The following KIF11 variants were observed in gnomAD, a reference collection of about 807,000 sequenced individuals.
The protein encoded by KIF11 is kinesin-like protein KIF11.
In KIF11, 9 loss-of-function variants were observed where a neutral mutation model predicts 121.0. The ratio of observed to expected loss-of-function variants is 0.07; its 90% CI spans 0.04 to 0.13. KIF11 has a LOEUF of 0.13. Ranked by LOEUF, KIF11 falls within the 10% of genes least tolerant of loss-of-function variation. KIF11 has a pLI of 1.00. For missense variants in KIF11, 846 were observed against 1,217.5 expected (o/e 0.69, Z 4.54); for synonymous variants, 408 against 421.0 (o/e 0.97, Z 0.38).
At chr10:92,600,392 C>T (rs1361331731) in intron 1 of KIF11, among the ~76,000 whole-genome samples, 1 of 152,176 alleles carries the variant, frequency 6.6e-6, no homozygotes, top group Non-Finnish European at 1.5e-5. Flanking sequence ...CCTGTGCCAT[C>T]ACAGTTTGCT....
At chr10:92,604,179 G>A (rs1028252233) in intron 1 of KIF11, among the ~76,000 whole-genome samples, 1 of 152,150 alleles carries the variant, frequency 6.6e-6, no homozygotes, top group African/African-American at 2.4e-5. Flanking sequence ...GTCTGGGTAG[G>A]AAACTAATGA....
At chr10:92,614,285 C>A (rs995258657) in intron 8 of KIF11, among the ~76,000 whole-genome samples, 1 of 152,020 alleles carries the variant, frequency 6.6e-6, no homozygotes, top group Admixed American at 6.6e-5. Context: ...TTAGTAGAGA[C>A]GTGGTTTCAC....
chr10:92,598,848 G>A (rs1054578161), intron 1 of KIF11, among the ~76,000 whole-genome samples: 1 of 152,134 alleles, frequency 6.6e-6, no homozygotes, highest in East Asian at 1.9e-4. Context: ...CACAATCTTA[G>A]CTCATTGCAA....
chr10:92,611,208 T>G (rs1372528309), intron 6 of KIF11, among the ~76,000 whole-genome samples: 2 of 151,318 alleles, frequency 1.3e-5, no homozygotes, highest in African/African-American at 2.4e-5. Flanking sequence ...ATGAATAGTA[T>G]TATTATTATT....
intron 8 of KIF11, among the ~76,000 whole-genome samples, chr10:92,615,551 A>T (rs559766842): frequency 6.6e-6 from 1 of 152,292 alleles, no homozygotes; most frequent in South Asian, 2.1e-4. Context: ...GAGTTGTCCA[A>T]CCATCACCAA....
At position 92,609,492 on chromosome 10, in the gene KIF11, G is replaced by A; in HGVS notation, c.681G>A (p.Leu227=). Residue 227 remains leucine (L), a synonymous_variant, in exon 6 of 22, where the codon CTG becomes CTA. Coordinates refer to ENST00000260731, the MANE Select transcript of KIF11 (RefSeq NM_004523.4). Reference sequence around the variant, plus strand: ...CAAAAAGGACAACTGCAGCTACTCTGATGAATGCATACTCTAGGTAAGAAA... The same window carrying A: ...CAAAAAGGACAACTGCAGCTACTCTAATGAATGCATACTCTAGGTAAGAAA... ...GAAKRTTAAT[L]MNAYSSRSHS... The A allele has an allele frequency of 3.7e-6, 6 of 1,613,196 alleles. No homozygotes were observed. The highest frequency in any genetic ancestry group is 1.3e-5 in the African/African-American group (1 of 74,950).
In KIF11 at chr10:92,614,045, C is replaced by T. The variant is rs1318717321; in HGVS notation, c.1032+426C>T. ...ATACACACACACACACACACACACA[C>T]ACACACACACACACACACACATATA... On this transcript the variant is annotated intron_variant, in intron 8 of 21. Transcript: ENST00000260731. Among the ~76,000 whole-genome samples the T allele has an allele frequency of 2.7e-5, 4 of 147,144 alleles. No individual in the cohort carries two copies. The East Asian group carries it at 5.9e-4, about 22-fold the overall frequency.
intron 11 of KIF11, 88 bp downstream of exon 11, chr10:92,628,983 C>A: frequency 2.6e-6 from 2 of 772,064 alleles, no homozygotes; most frequent in Non-Finnish European, 4.2e-6. Flanking sequence ...TTTTTTCCTT[C>A]AAGATTTTTT....
rs2275220 is a variant in KIF11, at chr10:92,612,949, A to G, written c.699-91A>G. ...ATGTTATCTTTCTCTACTCATGTGG[A>G]TTTAGATCTTCTTTCCTGTTTTCAG... On this transcript the variant is annotated intron_variant, in intron 6 of 21. Transcript: ENST00000260731. The G allele has an allele frequency of 0.038, 26,593 of 700,048 alleles. 639 individuals are homozygous for G. The highest frequency in any genetic ancestry group is 0.069 in the Admixed American group (2,560 of 36,862). 43.4% of individuals were successfully genotyped at this position (700,048 alleles called of 1,614,324 possible). A position where few individuals can be genotyped will look rare whatever the true frequency, so the allele number is the denominator to read the frequency against.
In KIF11 at chr10:92,630,372, C is replaced by A. The variant is rs1486133986; in HGVS notation, c.1494+8C>A. ...CATGATGCTGCCAGCAAGGTTTGTCCCTTGTGTTGATTTGTACTCATATTA... is the reference window on the plus strand; with the variant it reads ...CATGATGCTGCCAGCAAGGTTTGTCACTTGTGTTGATTTGTACTCATATTA... On this transcript the variant is annotated splice_region_variant and intron_variant, in intron 12 of 21. Transcript: ENST00000260731. 3 of 1,535,086 alleles carry A rather than the reference C, an allele frequency of 2.0e-6. No homozygotes were observed. Among genetic ancestry groups the A allele is most frequent in the African/African-American group, 1.4e-5 (1 of 71,276 alleles).
intron 9 of KIF11, 151 bp from the exon 10 acceptor site, chr10:92,621,234 G>T: frequency 2.2e-6 from 1 of 447,524 alleles, no homozygotes; most frequent in Non-Finnish European, 4.0e-6. Flanking sequence ...AATTAATATT[G>T]ATTAAAAAGT....
intron 2 of KIF11, 29 bp from the exon 3 acceptor site, chr10:92,606,586 GTTGA>G (rs1844432915): frequency 7.9e-7 from 1 of 1,265,318 alleles, no homozygotes; most frequent in African/African-American, 1.6e-5. Flanking sequence ...TAATTTTGAG[GTTGA>G]TTTTTTTTTT....
In KIF11 at chr10:92,651,507, G is replaced by GTATTT. The variant is rs1554863366; in HGVS notation, c.3039+991_3039+992insATTTT. Among the ~76,000 whole-genome samples the GTATTT allele has an allele frequency of 6.3e-3, 333 of 52,972 alleles. 78 individuals carry two copies. The highest frequency in any genetic ancestry group is 0.011 in the Non-Finnish European group (266 of 23,898). The allele number at this position is 52,972 out of a possible 152,430, so 34.8% of individuals were successfully genotyped here. A position where few individuals can be genotyped will look rare whatever the true frequency, so the allele number is the denominator to read the frequency against. ...TGTGCCACCATGCCTGGCTAATTTT[G>GTATTT]TTTTTTTTTTTTTTTTTTTTTTTTT... On this transcript the variant is annotated intron_variant, in intron 21 of 21. Transcript: ENST00000260731.
intron 21 of KIF11, among the ~76,000 whole-genome samples, chr10:92,651,651 G>GC (rs1844986455): frequency 6.7e-6 from 1 of 149,290 alleles, no homozygotes; most frequent in Non-Finnish European, 1.5e-5. Context: ...ACAGGTGTGA[G>GC]CCACCGGCCC....
chr10:92,618,043 A>G (rs897643165), intron 9 of KIF11, among the ~76,000 whole-genome samples: 13 of 152,210 alleles, frequency 8.5e-5, no homozygotes, highest in African/African-American at 2.6e-4. Context: ...TGGCCCCAAT[A>G]TGGTTTTAAT....
chr10:92,608,629 G>A (rs1255180898), intron 4 of KIF11, among the ~76,000 whole-genome samples: 1 of 152,080 alleles, frequency 6.6e-6, no homozygotes, highest in Non-Finnish European at 1.5e-5. Flanking sequence ...AGTAGAGATG[G>A]GGTTTCACCG....
intron 1 of KIF11, among the ~76,000 whole-genome samples, chr10:92,598,005 G>T (rs1844320291): frequency 6.6e-6 from 1 of 151,666 alleles, no homozygotes. Context: ...CAGACTTGTT[G>T]TGAACTCCTG....
At chr10:92,648,132 A>T in intron 18 of KIF11, 80 bp from the exon 19 acceptor site, 35 of 974,188 alleles carry the variant, frequency 3.6e-5, no homozygotes, top group Non-Finnish European at 4.8e-5. Flanking sequence ...ATTATGGAAA[A>T]GGTAAGGGAA....
Position 92,649,850 on chromosome 10 carries a change from G to A in KIF11, c.2786G>A (p.Arg929Lys). 6.2e-7 allele frequency: 1 copy of A among 1,606,216 alleles called. No homozygotes were observed. Among genetic ancestry groups the A allele is most frequent in the Non-Finnish European group, 8.5e-7 (1 of 1,174,412 alleles). ...LDIPTGTTPQ[R>K]KSYLYPSTLV... ...TCCGTTAAAGGTACGACACCACAGA[G>A]GAAAAGTTATTTATACCCATCAACA... The change falls in exon 20 of 22, where the codon AGG (arginine) becomes AAG (lysine). Residue 929 changes from arginine to lysine, a missense_variant. Arg to Lys is a conservative substitution (Grantham distance 26). Around this residue, in one of 5 missense-constraint regions of KIF11, gnomAD observed 492 missense variants for 603.4 expected, o/e 0.82. Coordinates refer to ENST00000260731, the MANE Select transcript of KIF11 (RefSeq NM_004523.4).
Sources: gnomAD v4.1 joint callset for allele counts (sites outside exome capture counted in the v4.1 genomes callset) on GRCh38, gnomAD v4.1.1 for gene constraint, gnomAD v4.1.1 regional missense constraint, MANE v1.5 for transcripts, NCBI Gene and HGNC (gene_info 2026-07-23, HGNC 2026-07-21) for gene names.